Variants in LPP observed in about 807,000 individuals in gnomAD.
LPP encodes the protein lipoma-preferred partner.
A neutral mutation model predicts 60.4 loss-of-function variants in LPP; 38 were observed. The observed-to-expected ratio is 0.63, with a 90% CI of 0.49 to 0.83. LPP has a LOEUF of 0.83. LPP is among the 40% of genes least tolerant of loss of function. LPP has a pLI of 0.00. For synonymous variants in LPP, 328 were observed against 290.8 expected (o/e 1.13, Z -1.30); for missense variants, 902 against 783.6 (o/e 1.15, Z -1.80).
At chr3:188,183,865 CT>C (rs1469982959) in intron 1 of LPP, among the ~76,000 whole-genome samples, 46 of 152,048 alleles carry the variant, frequency 3.0e-4, no homozygotes, top group African/African-American at 1.1e-3. Context: ...CACTGCTTTC[CT>C]AGCTGGATAT....
chr3:188,845,859 G>A (rs1438992467), intron 9 of LPP, among the ~76,000 whole-genome samples: 2 of 152,186 alleles, frequency 1.3e-5, no homozygotes, highest in African/African-American at 4.8e-5. Flanking sequence ...CTACAAAGAG[G>A]TTATTTAGTT....
rs374912796 is a variant in LPP at position 188,585,752 on chromosome 3, T to G, written c.430-23409T>G. Among the ~76,000 whole-genome samples, 118 of 152,378 alleles carry G rather than the reference T, an allele frequency of 7.7e-4. 1 individual carries two copies. In the South Asian group the frequency reaches 0.024, roughly 32 times the overall value. ...GGAAAAAGTAGAAAACATGTAAATG[T>G]ATTTGTTTTATGTCTGAAGTTCCAA... On this transcript the variant is annotated intron_variant, in intron 6 of 11. Coordinates refer to ENST00000617246, the MANE Select transcript of LPP (RefSeq NM_001375462.1).
intron 7 of LPP, among the ~76,000 whole-genome samples, chr3:188,670,705 C>T (rs1856794200): frequency 6.6e-6 from 1 of 152,144 alleles, no homozygotes; most frequent in Non-Finnish European, 1.5e-5. Context: ...GGTGCTAAGG[C>T]TTTGACCACA....
chr3:188,436,038 A>G (rs1236896444), intron 4 of LPP, among the ~76,000 whole-genome samples: 2 of 152,230 alleles, frequency 1.3e-5, no homozygotes, highest in African/African-American at 4.8e-5. Flanking sequence ...AACAGGAGCC[A>G]ATGCAATTTT....
chr3:188,685,339 TC>T (rs1205749993), intron 7 of LPP, among the ~76,000 whole-genome samples: 2 of 152,044 alleles, frequency 1.3e-5, no homozygotes, highest in African/African-American at 4.8e-5. Flanking sequence ...CTGTTGGTGT[TC>T]ACAGCCGTGA....
rs1553889498 is a variant in LPP at position 188,407,790 on chromosome 3, T to TTG, written c.193+1478_193+1479insGT. Among the ~76,000 whole-genome samples the TTG allele has an allele frequency of 5.5e-3, 418 of 76,274 alleles. 8 individuals are homozygous for TTG. Among genetic ancestry groups the TTG allele is most frequent in the African/African-American group, 0.016 (326 of 20,244 alleles). 50.0% of individuals were successfully genotyped at this position (76,274 alleles called of 152,430 possible). A position where few individuals can be genotyped will look rare whatever the true frequency, so the allele number is the denominator to read the frequency against. ...ATGGTTTTTTTTTTTGTTTGTTTGT[T>TTG]TTTTTTTTTTTTTTTTTGAGATGGA... On this transcript the variant is annotated intron_variant, in intron 4 of 11. Transcript: ENST00000617246.
chr3:188,395,709 T>C (rs1780777205), intron 3 of LPP, among the ~76,000 whole-genome samples: 1 of 151,938 alleles, frequency 6.6e-6, no homozygotes, highest in Non-Finnish European at 1.5e-5. Context: ...GAGCACCGCT[T>C]GAGCCCAGGA....
At chr3:188,192,897 A>G (rs1011662575) in intron 1 of LPP, among the ~76,000 whole-genome samples, 4 of 152,248 alleles carry the variant, frequency 2.6e-5, no homozygotes, top group African/African-American at 7.2e-5. Context: ...ACGAGGCCTC[A>G]GATGTACTGC....
chr3:188,261,027 A>G (rs893562681), intron 2 of LPP, among the ~76,000 whole-genome samples: 1 of 152,254 alleles, frequency 6.6e-6, no homozygotes, highest in South Asian at 2.1e-4. Context: ...GAGCTGAGAT[A>G]GTGTCACTGC....
intron 6 of LPP, among the ~76,000 whole-genome samples, chr3:188,534,059 T>C (rs1234802859): frequency 2.0e-5 from 3 of 152,220 alleles, no homozygotes; most frequent in Non-Finnish European, 4.4e-5. Context: ...TACAAAGCTT[T>C]TGCCCAAAAA....
At chr3:188,435,660 A>C (rs567140240) in intron 4 of LPP, among the ~76,000 whole-genome samples, 4 of 152,316 alleles carry the variant, frequency 2.6e-5, no homozygotes, top group African/African-American at 9.6e-5. Flanking sequence ...TTTATAAACC[A>C]TGGAAATACC....
At position 188,381,476 on chromosome 3, in the gene LPP, C is replaced by CA. The variant is rs1437566368; in HGVS notation, c.-9-24634dup. 2.0e-5 allele frequency among the ~76,000 whole-genome samples: 3 copies of CA among 152,100 alleles called. No individual in the cohort carries two copies. The East Asian group carries it at 5.8e-4, about 29-fold the overall frequency. On this transcript the variant is annotated intron_variant, in intron 3 of 11. Coordinates refer to ENST00000617246, the MANE Select transcript of LPP (RefSeq NM_001375462.1). ...ATGGACTGTCCAGCTCTTCTGTGGC[C>CA]AACATCTCTTTACTCTAGAAGGTTC... is the stretch of plus-strand genomic sequence containing the variant.
intron 2 of LPP, among the ~76,000 whole-genome samples, chr3:188,247,904 A>C (rs991390330): frequency 2.6e-5 from 4 of 152,144 alleles, no homozygotes; most frequent in African/African-American, 9.7e-5. Flanking sequence ...GAAGAGTTTA[A>C]AATATTCTAG....
At chr3:188,216,501 C>T (rs1713683877) in intron 1 of LPP, among the ~76,000 whole-genome samples, 1 of 152,130 alleles carries the variant, frequency 6.6e-6, no homozygotes, top group Non-Finnish European at 1.5e-5. Context: ...CAACTCCTGA[C>T]CTCAGGTGAT....
At chr3:188,234,837 T>C (rs1429464104) in intron 2 of LPP, among the ~76,000 whole-genome samples, 1 of 152,204 alleles carries the variant, frequency 6.6e-6, no homozygotes, top group East Asian at 1.9e-4. Context: ...ATGTCAAAGA[T>C]GGCAGTTCAA....
At position 188,879,149 on chromosome 3, in the gene LPP, C is replaced by T; in HGVS notation, c.*4670C>T. On this transcript the variant is annotated 3_prime_UTR_variant, in exon 12 of 12. Coordinates refer to ENST00000617246, the MANE Select transcript of LPP (RefSeq NM_001375462.1). ...GACAGATAACTAGAATGAAACTTTT[C>T]TCATGAGGCTGTTGTTTGGTTAGCA... 4.3e-6 allele frequency: 1 copy of T among 230,320 alleles called. No homozygotes were observed. Among genetic ancestry groups the T allele is most frequent in the East Asian group, 6.2e-5 (1 of 16,134 alleles). The allele number at this position is 230,320 out of a possible 1,614,324, so 14.3% of individuals were successfully genotyped here.
chr3:188,192,798 G>A (rs1397302511), intron 1 of LPP, among the ~76,000 whole-genome samples: 1 of 152,160 alleles, frequency 6.6e-6, no homozygotes, highest in Non-Finnish European at 1.5e-5. Flanking sequence ...AGAAATGTAA[G>A]TTGTGACAAA....
At chr3:188,692,712 C>T (rs1862390271) in intron 7 of LPP, among the ~76,000 whole-genome samples, 1 of 152,242 alleles carries the variant, frequency 6.6e-6, no homozygotes, top group Admixed American at 6.5e-5. Context: ...ACTAGGCACT[C>T]AGCAAGTGCC....
chr3:188,837,418 A>ATCATC (rs1560275747), intron 9 of LPP, among the ~76,000 whole-genome samples: 1 of 138,598 alleles, frequency 7.2e-6, no homozygotes, highest in Admixed American at 7.8e-5. Flanking sequence ...TAATAATAAT[A>ATCATC]ATAATCTGTG....
Sources: gnomAD v4.1 joint callset for allele counts (sites outside exome capture counted in the v4.1 genomes callset) on GRCh38, gnomAD v4.1.1 for gene constraint, MANE v1.5 for transcripts, NCBI Gene and HGNC (gene_info 2026-07-23, HGNC 2026-07-21) for gene names.